RSPO1: variants seen among roughly 807,000 people sequenced by gnomAD.
RSPO1 encodes the protein R-spondin-1.
A neutral mutation model predicts 26.0 loss-of-function variants in RSPO1; 18 were observed. The observed-to-expected ratio is 0.69, with a 90% CI of 0.48 to 1.03. RSPO1 has a LOEUF of 1.03. Among genes scored for constraint, RSPO1 ranks in the 50% least tolerant of loss-of-function variants. The pLI is 0.00. For synonymous variants in RSPO1, 133 were observed against 137.4 expected, an observed-to-expected ratio of 0.97 and a Z score of 0.22; for missense variants, 309 against 352.3, an observed-to-expected ratio of 0.88 and a Z score of 0.98.
chr1:37,613,757 G>C lies in RSPO1; in HGVS notation c.572C>G (p.Ser191Cys). Residue 191 changes from serine to cysteine, a missense_variant, in exon 6 of 7, where the codon TCT becomes TGT. Ser to Cys is a moderately radical substitution (Grantham distance 112). Transcript: ENST00000356545. The surrounding 1 kb of genome is among the most constrained non-coding windows in gnomAD (Gnocchi z 4.5). ...GCACCTCCGGGTCTCCTTGGTGTCA[G>C]AGCAGGCAGCATGGTCCCCCACAGG... ...HAPVGDHAAC[S>C]DTKETRRCTV... is the part of the protein sequence containing the mutation. 6.2e-7 allele frequency: 1 copy of C among 1,614,004 alleles called. No individual in the cohort carries two copies. The highest frequency in any genetic ancestry group is 8.5e-7 in the Non-Finnish European group (1 of 1,180,020).
intron 3 of RSPO1, among the ~76,000 whole-genome samples, chr1:37,629,272 G>C (rs1347409810): frequency 6.6e-6 from 1 of 152,156 alleles, no homozygotes; most frequent in Non-Finnish European, 1.5e-5. Flanking sequence ...AATCCACAAA[G>C]GCATAATCCA....
At chr1:37,616,704 C>T (rs760761265) in intron 3 of RSPO1, 29 bp from the exon 4 acceptor site, 33 of 1,606,280 alleles carry the variant, frequency 2.1e-5, no homozygotes, top group African/African-American at 5.4e-5. Flanking sequence ...CATGAGAAGG[C>T]GGCTGTGGAG....
intron 3 of RSPO1, among the ~76,000 whole-genome samples, chr1:37,625,113 A>C (rs1483242651): frequency 6.6e-6 from 1 of 152,198 alleles, no homozygotes; most frequent in East Asian, 1.9e-4. Flanking sequence ...CCACACCCCT[A>C]GTACTTGAAT....
chr1:37,616,405 C>T lies in RSPO1; in HGVS notation c.286+79G>A, dbSNP rs140029288. Reference sequence around the variant, plus strand: ...GAGCCCCCTCTGCTCCTCTTGCCAGCCACCAATGGTTCAAAGCACTCTCCC... The same window carrying T: ...GAGCCCCCTCTGCTCCTCTTGCCAGTCACCAATGGTTCAAAGCACTCTCCC... On this transcript the variant is annotated intron_variant, in intron 4 of 6. Coordinates refer to ENST00000356545, the MANE Select transcript of RSPO1 (RefSeq NM_001242908.2). 264 of 1,397,858 alleles carry T rather than the reference C, an allele frequency of 1.9e-4. No individual in the cohort carries two copies. In the African/African-American group the frequency reaches 3.4e-3, roughly 18 times the overall value. The allele number at this position is 1,397,858 out of a possible 1,614,324, so 86.6% of individuals were successfully genotyped here. A position where few individuals can be genotyped will look rare whatever the true frequency, so the allele number is the denominator to read the frequency against.
rs766125751 is a variant in RSPO1 at position 37,616,569 on chromosome 1, GT to G, written c.200del (p.Asn67ThrfsTer25). On this transcript the variant is annotated frameshift_variant, in exon 4 of 7. Transcript: ENST00000356545. LOFTEE classifies it high-confidence loss of function. ...AGCAGACGCCCACCTGGCGGATGTC[GT>G]TCCTCTCCAGCAGGATGAACAGCTT... The part of the protein sequence containing the change: ...SPKLFILLER[N>X]DIRQVGVCLP... The G allele has an allele frequency of 6.2e-7, 1 of 1,614,170 alleles. No homozygotes were observed. Among genetic ancestry groups the G allele is most frequent in the African/African-American group, 1.3e-5 (1 of 75,038 alleles).
chr1:37,622,713 G>T (rs766714121), intron 3 of RSPO1, among the ~76,000 whole-genome samples: 1 of 152,112 alleles, frequency 6.6e-6, no homozygotes, highest in Non-Finnish European at 1.5e-5. Flanking sequence ...CAGGGACCAG[G>T]GCTGGGAGGA....
intron 3 of RSPO1, among the ~76,000 whole-genome samples, chr1:37,629,225 G>A (rs575196629): frequency 1.3e-5 from 2 of 152,276 alleles, no homozygotes; most frequent in South Asian, 4.1e-4. Context: ...GCATCTCCAT[G>A]GATACCACAC....
In RSPO1 at chr1:37,629,807, C is replaced by A; in HGVS notation, c.-146G>T. ...TAGCCCAAATCCACCATAATCTCAGCTGGGGACAGAGAGGGTGTGGGGAGC... is the reference window on the plus strand; with the variant it reads ...TAGCCCAAATCCACCATAATCTCAGATGGGGACAGAGAGGGTGTGGGGAGC... On this transcript the variant is annotated 5_prime_UTR_variant, in exon 3 of 7. Coordinates refer to ENST00000356545, the MANE Select transcript of RSPO1 (RefSeq NM_001242908.2). The A allele has an allele frequency of 2.6e-6, 4 of 1,551,058 alleles. No individual in the cohort carries two copies. The highest frequency in any genetic ancestry group is 3.5e-6 in the Non-Finnish European group (4 of 1,146,650).
At chr1:37,627,074 G>C (rs1255739337) in intron 3 of RSPO1, among the ~76,000 whole-genome samples, 1 of 152,118 alleles carries the variant, frequency 6.6e-6, no homozygotes, top group Non-Finnish European at 1.5e-5. Flanking sequence ...ATCAGACATG[G>C]CTTCAAAACT....
Position 37,612,430 on chromosome 1 carries a change from A to C in RSPO1, c.*325T>G. 3 of 398,488 alleles carry C rather than the reference A, an allele frequency of 7.5e-6. No homozygotes were observed. The highest frequency in any genetic ancestry group is 1.4e-5 in the Non-Finnish European group (3 of 215,050). 24.7% of individuals were successfully genotyped at this position (398,488 alleles called of 1,614,324 possible). On this transcript the variant is annotated 3_prime_UTR_variant, in exon 7 of 7. Transcript: ENST00000356545. ...GGGAAGTGTTGTCTCTGACATGTCCACTGGGAGCTCTGGAAACCAAGTGTG... is the reference window on the plus strand; with the variant it reads ...GGGAAGTGTTGTCTCTGACATGTCCCCTGGGAGCTCTGGAAACCAAGTGTG...
At chr1:37,623,881 T>C (rs542686037) in intron 3 of RSPO1, among the ~76,000 whole-genome samples, 2 of 150,344 alleles carry the variant, frequency 1.3e-5, no homozygotes, top group South Asian at 4.3e-4. Context: ...TGCCTCAGCC[T>C]CCTGAGTAGC....
intron 3 of RSPO1, among the ~76,000 whole-genome samples, chr1:37,626,610 G>T (rs2148179758): frequency 6.6e-6 from 1 of 152,320 alleles, no homozygotes; most frequent in African/African-American, 2.4e-5. Flanking sequence ...CCCAAGGAAG[G>T]ACTGGGGATT....
At chr1:37,628,724 C>T (rs944163272) in intron 3 of RSPO1, among the ~76,000 whole-genome samples, 1 of 152,230 alleles carries the variant, frequency 6.6e-6, no homozygotes, top group African/African-American at 2.4e-5. Context: ...GGACAGATTA[C>T]CCTTGACCTC....
chr1:37,613,553 A>G lies in RSPO1; in HGVS notation c.625+151T>C. Reference sequence around the variant, plus strand: ...TTCTCTGCCAGGACATGGCATCTGGATTGGACAGCATGAGGTCTTGAGTTG... The same window carrying G: ...TTCTCTGCCAGGACATGGCATCTGGGTTGGACAGCATGAGGTCTTGAGTTG... On this transcript the variant is annotated intron_variant, in intron 6 of 6. Transcript: ENST00000356545. The surrounding 1 kb of genome is among the most constrained non-coding windows in gnomAD (Gnocchi z 4.5). 1 of 696,126 alleles carries G rather than the reference A, an allele frequency of 1.4e-6. No homozygotes were observed. The highest frequency in any genetic ancestry group is 1.6e-5 in the South Asian group (1 of 64,468). The allele number at this position is 696,126 out of a possible 1,614,324, so 43.1% of individuals were successfully genotyped here. A position where few individuals can be genotyped will look rare whatever the true frequency, so the allele number is the denominator to read the frequency against.
In RSPO1 at chr1:37,611,725, G is replaced by A. The variant is rs528268408; in HGVS notation, c.*1030C>T. 1 of 104,822 alleles carries A rather than the reference G, an allele frequency of 9.5e-6. No homozygotes were observed. Among genetic ancestry groups the A allele is most frequent in the African/African-American group, 4.4e-5 (1 of 22,960 alleles). 6.5% of individuals were successfully genotyped at this position (104,822 alleles called of 1,614,324 possible). ...ATATAGATTCTGCCTCTCCCAGATG[G>A]AAAGTCCTCCTTTATAGCTGACCAG... On this transcript the variant is annotated 3_prime_UTR_variant, in exon 7 of 7. Transcript: ENST00000356545.
At chr1:37,617,037 G>T (rs960096471) in intron 3 of RSPO1, among the ~76,000 whole-genome samples, 10 of 152,144 alleles carry the variant, frequency 6.6e-5, no homozygotes, top group Admixed American at 3.9e-4. Flanking sequence ...GTAGAAGGAG[G>T]GTTTCTTAAA....
rs1223175878 is a variant in RSPO1, at chr1:37,612,522, A to ATGTGTG, written c.*227_*232dup. On this transcript the variant is annotated 3_prime_UTR_variant, in exon 7 of 7. Transcript: ENST00000356545. ...CAGGTGTGTGTGTGTGTGTGTGTGT[A>ATGTGTG]TGTGTGTGTGTGGTGTCTGTGTCTG... The ATGTGTG allele has an allele frequency of 5.2e-6, 2 of 387,950 alleles. No individual in the cohort carries two copies. Among genetic ancestry groups the ATGTGTG allele is most frequent in the African/African-American group, 2.5e-5 (1 of 39,582 alleles). The allele number at this position is 387,950 out of a possible 1,614,324, so 24.0% of individuals were successfully genotyped here.
At chr1:37,618,104 G>A (rs1644144861) in intron 3 of RSPO1, among the ~76,000 whole-genome samples, 1 of 152,162 alleles carries the variant, frequency 6.6e-6, no homozygotes, top group African/African-American at 2.4e-5. Flanking sequence ...GGAATGGGAG[G>A]GGACTGGTGA....
intron 4 of RSPO1, among the ~76,000 whole-genome samples, chr1:37,615,543 T>C (rs1472140683): frequency 6.6e-6 from 1 of 152,188 alleles, no homozygotes; most frequent in Non-Finnish European, 1.5e-5. Flanking sequence ...GGCCTGAATG[T>C]TGTCAGCCCT....
Sources: gnomAD v4.1 joint callset for allele counts (sites outside exome capture counted in the v4.1 genomes callset) on GRCh38, gnomAD v4.1.1 for gene constraint, Gnocchi (gnomAD v3.1) non-coding constraint, MANE v1.5 for transcripts, NCBI Gene and HGNC (gene_info 2026-07-23, HGNC 2026-07-21) for gene names.